ANO4: variants seen among roughly 807,000 people sequenced by gnomAD.
ANO4 encodes the protein anoctamin-4.
A neutral mutation model predicts 141.9 loss-of-function variants in ANO4; 69 were observed. That is an observed-to-expected ratio of 0.49 (90% confidence interval 0.40 to 0.59). The LOEUF is 0.59. Among genes scored for constraint, ANO4 ranks in the 20% least tolerant of loss-of-function variants. ANO4 has a pLI of 0.00. For missense variants in ANO4, 894 were observed against 1,162.2 expected, an observed-to-expected ratio of 0.77 and a Z score of 3.36; for synonymous variants, 350 against 394.3, an observed-to-expected ratio of 0.89 and a Z score of 1.33.
intron 3 of ANO4, among the ~76,000 whole-genome samples, chr12:100,742,524 C>G (rs962928940): frequency 6.6e-6 from 1 of 152,160 alleles, no homozygotes; most frequent in Admixed American, 6.5e-5. Context: ...TGCCAGACAT[C>G]CCTTCACAAT....
At chr12:100,856,945 A>T (rs1364636740) in intron 1 of ANO4, among the ~76,000 whole-genome samples, 5 of 152,086 alleles carry the variant, frequency 3.3e-5, no homozygotes, top group African/African-American at 2.4e-5. Flanking sequence ...GGGAGTAAGG[A>T]TGTGAGGGAG....
At chr12:101,116,643 G>A in intron 24 of ANO4, 36 bp from the exon 25 acceptor site, 1 of 1,614,064 alleles carries the variant, frequency 6.2e-7, no homozygotes, top group Non-Finnish European at 8.5e-7. Flanking sequence ...AGAAGGTGAT[G>A]AGTGTTCTAA....
intron 3 of ANO4, among the ~76,000 whole-genome samples, chr12:100,757,533 T>C (rs914010137): frequency 7.9e-5 from 12 of 152,240 alleles, no homozygotes; most frequent in Admixed American, 3.3e-4. Context: ...TGTGAAGGCC[T>C]TGGATACCGT....
At chr12:101,035,014 C>G (rs1032981967) in intron 9 of ANO4, among the ~76,000 whole-genome samples, 2 of 152,138 alleles carry the variant, frequency 1.3e-5, no homozygotes, top group African/African-American at 4.8e-5. Context: ...AAATGTTCAT[C>G]TACTATATGA....
At chr12:100,719,959 T>A (rs1262394526) in intron 1 of ANO4, among the ~76,000 whole-genome samples, 1 of 152,222 alleles carries the variant, frequency 6.6e-6, no homozygotes, top group Non-Finnish European at 1.5e-5. Flanking sequence ...ATATGTTCAA[T>A]GAATGATGTT....
At chr12:101,047,525 G>A (rs184197594) in intron 13 of ANO4, among the ~76,000 whole-genome samples, 153 of 152,172 alleles carry the variant, frequency 1.0e-3, no homozygotes, top group African/African-American at 3.3e-3. Context: ...TATATTTGGT[G>A]CATTCTCGAA....
At chr12:101,053,200 C>T (rs554423434) in intron 14 of ANO4, among the ~76,000 whole-genome samples, 8 of 152,252 alleles carry the variant, frequency 5.3e-5, no homozygotes, top group Non-Finnish European at 1.5e-5. Context: ...AAAGGAAAAG[C>T]AGAAAAGGTT....
chr12:100,804,864 T>C (rs890966398), intron 1 of ANO4, among the ~76,000 whole-genome samples: 2 of 152,338 alleles, frequency 1.3e-5, no homozygotes, highest in African/African-American at 4.8e-5. Flanking sequence ...CTTTGTCAGA[T>C]GGATAGATTG....
intron 1 of ANO4, among the ~76,000 whole-genome samples, chr12:100,858,686 T>C (rs111559853): frequency 6.6e-6 from 1 of 152,314 alleles, no homozygotes; most frequent in African/African-American, 2.4e-5. Context: ...TCATAAGATT[T>C]AGCTTTCTGT....
At chr12:100,818,453 G>A (rs2035854327) in intron 1 of ANO4, among the ~76,000 whole-genome samples, 1 of 151,834 alleles carries the variant, frequency 6.6e-6, no homozygotes, top group Non-Finnish European at 1.5e-5. Flanking sequence ...CACTAAATCA[G>A]ATAGTTACAG....
rs922818309 is a variant in ANO4 at position 101,096,641 on chromosome 12, T to C, written c.1844T>C (p.Leu615Pro). The C allele has an allele frequency of 6.2e-7, 1 of 1,612,464 alleles. No individual in the cohort carries two copies. The highest frequency in any genetic ancestry group is 1.3e-5 in the African/African-American group (1 of 74,818). The change falls in exon 19 of 28, where the codon CTC becomes CCC. Residue 615 changes from leucine (L) to proline (P), a missense_variant. Transcript: ENST00000392977. Reference protein sequence around the residue: ...NSSTFYIAFFLGRFTGHPGAY... With the variant: ...NSSTFYIAFFPGRFTGHPGAY... ...TCCACATTTTACATCGCATTCTTCC[T>C]CGGAAGGTAAGAACCTGACCCCTGC...
chr12:100,841,125 A>G (rs1191160774), intron 1 of ANO4, among the ~76,000 whole-genome samples: 1 of 152,178 alleles, frequency 6.6e-6, no homozygotes, highest in East Asian at 1.9e-4. Flanking sequence ...ATGAGGGGAG[A>G]AGATCTCAAA....
At chr12:100,970,667 T>TC (rs1409594799) in intron 5 of ANO4, among the ~76,000 whole-genome samples, 2 of 20,216 alleles carry the variant, frequency 9.9e-5, no homozygotes, top group African/African-American at 1.3e-3. Flanking sequence ...CTCCCTCTCC[T>TC]TCCTTCCTTC....
intron 3 of ANO4, among the ~76,000 whole-genome samples, chr12:100,938,326 A>G (rs905516706): frequency 5.3e-5 from 8 of 152,196 alleles, no homozygotes; most frequent in Non-Finnish European, 1.2e-4. Flanking sequence ...TTATTCACCA[A>G]GGTGCAATCA....
At chr12:101,025,936 A>G (rs994666511) in intron 9 of ANO4, among the ~76,000 whole-genome samples, 2 of 152,214 alleles carry the variant, frequency 1.3e-5, no homozygotes, top group African/African-American at 2.4e-5. Flanking sequence ...CAACCTCATA[A>G]AATACATCTA....
intron 1 of ANO4, among the ~76,000 whole-genome samples, chr12:100,799,782 C>G (rs967232665): frequency 1.1e-4 from 16 of 152,140 alleles, no homozygotes; most frequent in African/African-American, 3.9e-4. Context: ...TTACCTAATC[C>G]TCTCATTCCA....
chr12:101,087,628 G>A (rs2049560857), intron 17 of ANO4, among the ~76,000 whole-genome samples: 1 of 152,110 alleles, frequency 6.6e-6, no homozygotes, highest in Admixed American at 6.6e-5. Context: ...GGCTTTTTCA[G>A]ATAGCATATT....
In ANO4 at chr12:100,979,802, A is replaced by G. The variant is rs539729127; in HGVS notation, c.602+4913A>G. Among the ~76,000 whole-genome samples the G allele has an allele frequency of 9.3e-5, 14 of 151,226 alleles. No individual in the cohort carries two copies. The South Asian group carries it at 2.5e-3, about 27-fold the overall frequency. On this transcript the variant is annotated intron_variant, in intron 7 of 27. Coordinates refer to ENST00000392977, the MANE Select transcript of ANO4 (RefSeq NM_001286615.2). ...GAGTGCAGAGGCACGATCTCGGCTC[A>G]CTGCAAGCTCCGCCTCCCGGGTTCA... is the stretch of plus-strand genomic sequence containing the variant.
intron 1 of ANO4, among the ~76,000 whole-genome samples, chr12:100,824,209 C>G (rs1182883520): frequency 1.3e-5 from 2 of 152,112 alleles, no homozygotes; most frequent in East Asian, 3.9e-4. Context: ...GGTGCTTGAC[C>G]TGACTGTACT....
Sources: allele counts gnomAD v4.1 joint callset (sites outside exome capture counted in the v4.1 genomes callset), GRCh38; gene constraint gnomAD v4.1.1; transcripts MANE v1.5; gene names NCBI Gene and HGNC (gene_info 2026-07-23, HGNC 2026-07-21).